The following CCDC3 variants were observed in gnomAD, a reference collection of about 807,000 sequenced individuals.
CCDC3 encodes the protein coiled-coil domain-containing protein 3.
In CCDC3, 24 loss-of-function variants were observed where a neutral mutation model predicts 21.4. That is an observed-to-expected ratio of 1.12 (90% CI 0.81 to 1.58). The LOEUF is 1.58. CCDC3 is among the 40% of genes most tolerant of loss of function. The pLI, the probability that CCDC3 is intolerant of heterozygous loss-of-function variation, is 0.00. For synonymous variants in CCDC3, 186 were observed against 166.0 expected (o/e 1.12, Z -0.93); for missense variants, 425 against 360.9 (o/e 1.18, Z -1.44).
intron 2 of CCDC3, among the ~76,000 whole-genome samples, chr10:12,993,009 A>C (rs1232592084): frequency 6.6e-6 from 1 of 152,214 alleles, no homozygotes; most frequent in African/African-American, 2.4e-5. Context: ...GAATGAAAAA[A>C]GTGCAGAAGA....
chr10:12,900,708 A>C (rs1834080287), intron 2 of CCDC3, among the ~76,000 whole-genome samples: 1 of 148,296 alleles, frequency 6.7e-6, no homozygotes, highest in African/African-American at 2.5e-5. Context: ...AAAAAAAAAA[A>C]ACAAACTCCA....
At chr10:12,952,214 G>C (rs1172030370) in intron 2 of CCDC3, among the ~76,000 whole-genome samples, 2 of 152,222 alleles carry the variant, frequency 1.3e-5, no homozygotes, top group Non-Finnish European at 2.9e-5. Context: ...CCTCAGGAGG[G>C]AGAAGGTTTT....
At chr10:12,999,718 G>T (rs1352830689) in intron 1 of CCDC3, among the ~76,000 whole-genome samples, 9 of 152,206 alleles carry the variant, frequency 5.9e-5, no homozygotes, top group Admixed American at 5.9e-4. Flanking sequence ...TGGACAAACT[G>T]TATTTCATGA....
chr10:12,933,076 A>AT (rs1331973311), intron 2 of CCDC3, among the ~76,000 whole-genome samples: 5 of 151,666 alleles, frequency 3.3e-5, no homozygotes, highest in Non-Finnish European at 7.4e-5. Context: ...CATCATGTTG[A>AT]TTTTTTTTCA....
At chr10:13,045,057 C>T (rs778926774) in intron 5 of CCDC3, among the ~76,000 whole-genome samples, 24 of 152,248 alleles carry the variant, frequency 1.6e-4, no homozygotes, top group East Asian at 1.2e-3. Flanking sequence ...TAAACATACA[C>T]GAACAAGCTC....
chr10:12,973,143 G>A (rs561409713), intron 2 of CCDC3, among the ~76,000 whole-genome samples: 3 of 152,306 alleles, frequency 2.0e-5, no homozygotes, highest in Non-Finnish European at 2.9e-5. Flanking sequence ...AGATAAATAA[G>A]CCCAAGGCTT....
intron 2 of CCDC3, among the ~76,000 whole-genome samples, chr10:12,975,306 C>T (rs985077523): frequency 6.6e-6 from 1 of 152,216 alleles, no homozygotes; most frequent in Non-Finnish European, 1.5e-5. Flanking sequence ...GACACCCCCA[C>T]TGCCCTCCCA....
intron 5 of CCDC3, among the ~76,000 whole-genome samples, chr10:13,016,424 C>T (rs924978566): frequency 4.6e-5 from 7 of 151,064 alleles, no homozygotes; most frequent in African/African-American, 1.7e-4. Flanking sequence ...AGACAAGCAA[C>T]TCAAAAATAA....
At chr10:12,916,562 G>C (rs752070752) in intron 2 of CCDC3, among the ~76,000 whole-genome samples, 2 of 150,374 alleles carry the variant, frequency 1.3e-5, no homozygotes, top group African/African-American at 2.5e-5. Context: ...AGAGGTTGCA[G>C]TGAGCTGAGA....
chr10:13,043,259 T>C (rs1211097883), intron 5 of CCDC3, among the ~76,000 whole-genome samples: 1 of 152,046 alleles, frequency 6.6e-6, no homozygotes, highest in Non-Finnish European at 1.5e-5. Context: ...ACTATTACCA[T>C]CCTTATGTCC....
chr10:12,925,637 C>T (rs1342058218), intron 2 of CCDC3, among the ~76,000 whole-genome samples: 3 of 152,244 alleles, frequency 2.0e-5, no homozygotes, highest in Non-Finnish European at 2.9e-5. Context: ...TAACTCTTGC[C>T]TCTGGAGTCA....
At chr10:13,010,952 TG>T in intron 5 of CCDC3, among the ~76,000 whole-genome samples, 1 of 152,092 alleles carries the variant, frequency 6.6e-6, no homozygotes, top group South Asian at 2.1e-4. Context: ...GAGGCCGAGG[TG>T]GGTGGATCAT....
chr10:13,002,230 G>T (rs1315030077), upstream of CCDC3, among the ~76,000 whole-genome samples: 6 of 152,066 alleles, frequency 3.9e-5, no homozygotes. Context: ...TGATTTTCTT[G>T]GTTTCCATAA....
chr10:12,930,962 G>C (rs913792259), intron 2 of CCDC3, among the ~76,000 whole-genome samples: 6 of 152,142 alleles, frequency 3.9e-5, no homozygotes, highest in Non-Finnish European at 5.9e-5. Flanking sequence ...TGTAATCCCA[G>C]CACTTTGGGA....
chr10:12,971,065 A>G (rs1381096356), intron 2 of CCDC3, among the ~76,000 whole-genome samples: 1 of 152,246 alleles, frequency 6.6e-6, no homozygotes, highest in Non-Finnish European at 1.5e-5. Context: ...ACAGAGTTAC[A>G]GAATTTTGAA....
chr10:13,035,094 G>A (rs989617140), intron 5 of CCDC3, among the ~76,000 whole-genome samples: 12 of 151,462 alleles, frequency 7.9e-5, no homozygotes, highest in African/African-American at 2.7e-4. Context: ...AAACCCCTAC[G>A]AAGCCCAGTC....
intron 4 of CCDC3, among the ~76,000 whole-genome samples, chr10:13,063,388 C>A (rs927045458): frequency 1.3e-5 from 2 of 151,924 alleles, no homozygotes; most frequent in African/African-American, 2.4e-5. Context: ...TCTTCCTATA[C>A]ACTCCATGAA....
chr10:13,040,433 G>A (rs564068726), intron 5 of CCDC3, among the ~76,000 whole-genome samples: 12 of 152,244 alleles, frequency 7.9e-5, no homozygotes, highest in African/African-American at 2.2e-4. Flanking sequence ...GGCTAGATGC[G>A]GTGGCTCGCG....
intron 4 of CCDC3, among the ~76,000 whole-genome samples, chr10:13,054,878 G>C (rs1836661673): frequency 6.6e-6 from 1 of 152,174 alleles, no homozygotes. Context: ...TGTTGGCCAG[G>C]CTGGTCTCAA....
Sources: gnomAD v4.1 joint callset for allele counts (sites outside exome capture counted in the v4.1 genomes callset) on GRCh38, gnomAD v4.1.1 for gene constraint, MANE v1.5 for transcripts, NCBI Gene and HGNC (gene_info 2026-07-23, HGNC 2026-07-21) for gene names.